SIDT1: variants seen among roughly 807,000 people sequenced by gnomAD.
The protein encoded by SIDT1 is SID1 transmembrane family, member 1.
A neutral mutation model predicts 107.5 loss-of-function variants in SIDT1; 101 were observed. That is an observed-to-expected ratio of 0.94 (90% CI 0.80 to 1.11). The LOEUF (loss-of-function observed/expected upper bound fraction) is 1.11, where lower values mean the gene tolerates loss of function less well. Ranked by LOEUF, SIDT1 falls within the 50% of genes least tolerant of loss-of-function variation. SIDT1 has a pLI of 0.00. For synonymous variants in SIDT1, 395 were observed against 398.2 expected (o/e 0.99, Z 0.10); for missense variants, 1,076 against 1,058.2 (o/e 1.02, Z -0.23).
Position 113,532,680 on chromosome 3 carries a change from A to C in SIDT1, c.-342A>C. The C allele has an allele frequency of 1.5e-5, 4 of 267,744 alleles. No individual in the cohort carries two copies. The highest frequency in any genetic ancestry group is 2.2e-5 in the African/African-American group (1 of 45,246). The allele number at this position is 267,744 out of a possible 1,614,324, so 16.6% of individuals were successfully genotyped here. A position where few individuals can be genotyped will look rare whatever the true frequency, so the allele number is the denominator to read the frequency against. ...TTGCTGTTATTGAGGTTGAGGGAGA[A>C]GAGATCGGTCTAAATTCTGGCTGGG... On this transcript the variant is annotated 5_prime_UTR_variant, in exon 1 of 25. Transcript: ENST00000264852.
At chr3:113,636,477 G>T in the SIDT1 span, among the ~76,000 whole-genome samples, 1 of 152,112 alleles carries the variant, frequency 6.6e-6, no homozygotes, top group Admixed American at 6.6e-5. Context: ...AAAAGGTGGG[G>T]GGGATATAAC....
chr3:113,566,176 G>A (rs1178903674), intron 1 of SIDT1, among the ~76,000 whole-genome samples: 3 of 152,088 alleles, frequency 2.0e-5, no homozygotes, highest in African/African-American at 4.8e-5. Context: ...TTCTCCCCAC[G>A]CAATTTCAAT....
chr3:113,623,347 C>G, intron 21 of SIDT1, 80 bp from the exon 22 acceptor site: 1 of 848,086 alleles, frequency 1.2e-6, no homozygotes, highest in Non-Finnish European at 2.0e-6. Flanking sequence ...CCTTCCCCCT[C>G]AAGGGACTGG....
intron 1 of SIDT1, 75 bp downstream of exon 1, chr3:113,533,318 C>A: frequency 8.4e-7 from 1 of 1,192,178 alleles, no homozygotes; most frequent in Non-Finnish European, 1.1e-6. Context: ...TTTGGAGTCC[C>A]CTGGGAATTG....
intron 21 of SIDT1, among the ~76,000 whole-genome samples, chr3:113,622,140 A>T (rs543359888): frequency 7.9e-5 from 12 of 152,256 alleles, no homozygotes; most frequent in African/African-American, 2.9e-4. Flanking sequence ...TTGAGATTTT[A>T]AAAAATATAT....
At chr3:113,571,742 T>C (rs1461143059) in intron 3 of SIDT1, among the ~76,000 whole-genome samples, 1 of 152,190 alleles carries the variant, frequency 6.6e-6, no homozygotes, top group Non-Finnish European at 1.5e-5. Context: ...AAGACAAACC[T>C]GGCCAATATG....
Position 113,626,170 on chromosome 3 carries a change from C to A in SIDT1, c.2376C>A (p.Asp792Glu). ...CILLDFFDDH[D>E]IWHFLSATAL... is the part of the protein sequence containing the mutation. ...TGCTGGATTTCTTCGATGACCATGA[C>A]ATCTGGCACTTCCTCTCTGCTACTG... The change falls in exon 24 of 25, where the codon GAC (aspartate) becomes GAA (glutamate). Residue 792 changes from aspartate to glutamate, a missense_variant. Coordinates refer to ENST00000264852, the MANE Select transcript of SIDT1 (RefSeq NM_017699.3). 1.2e-6 allele frequency: 2 copies of A among 1,614,146 alleles called. No homozygotes were observed.
At chr3:113,633,765 G>A (rs1396460606), downstream of SIDT1, among the ~76,000 whole-genome samples, 3 of 152,222 alleles carry the variant, frequency 2.0e-5, no homozygotes, top group Non-Finnish European at 4.4e-5. Context: ...CTATAAAATG[G>A]ATTGGGGACG....
intron 1 of SIDT1, among the ~76,000 whole-genome samples, chr3:113,558,858 G>GTA (rs1941153373): frequency 1.3e-5 from 2 of 152,268 alleles, no homozygotes; most frequent in South Asian, 2.1e-4. Context: ...TCATTTCTGA[G>GTA]TATATATATT....
intron 1 of SIDT1, among the ~76,000 whole-genome samples, chr3:113,537,809 G>A (rs2107571460): frequency 6.6e-6 from 1 of 152,296 alleles, no homozygotes; most frequent in Middle Eastern, 3.4e-3. Context: ...TCGAGACATA[G>A]TCTCGCTGTG....
intron 1 of SIDT1, among the ~76,000 whole-genome samples, chr3:113,541,262 C>T (rs565726114): frequency 7.9e-5 from 12 of 152,180 alleles, no homozygotes; most frequent in Admixed American, 2.0e-4. Context: ...CTCTGCCTCC[C>T]GGGTTCAAGA....
At chr3:113,577,046 G>A (rs79832118) in intron 4 of SIDT1, 79 bp downstream of exon 4, 20 of 1,363,278 alleles carry the variant, frequency 1.5e-5, no homozygotes, top group Non-Finnish European at 2.0e-5. Flanking sequence ...ATGTTACCCT[G>A]GTAGAGTTAG....
At chr3:113,541,410 T>C (rs1938847269) in intron 1 of SIDT1, among the ~76,000 whole-genome samples, 1 of 152,184 alleles carries the variant, frequency 6.6e-6, no homozygotes, top group African/African-American at 2.4e-5. Context: ...GCACAAGTGA[T>C]CCGCCCACCT....
intron 13 of SIDT1, among the ~76,000 whole-genome samples, chr3:113,604,523 C>T (rs1005061715): frequency 5.3e-5 from 8 of 152,162 alleles, no homozygotes; most frequent in African/African-American, 1.9e-4. Context: ...GAAGCAGGTA[C>T]TACTTACACT....
At chr3:113,574,966 G>A (rs1283414888) in intron 3 of SIDT1, among the ~76,000 whole-genome samples, 2 of 152,118 alleles carry the variant, frequency 1.3e-5, no homozygotes, top group African/African-American at 4.8e-5. Context: ...CATGTGGAAG[G>A]AAGCAGAATA....
chr3:113,616,712 C>T (rs573844069), intron 20 of SIDT1, among the ~76,000 whole-genome samples: 69 of 144,236 alleles, frequency 4.8e-4, no homozygotes, highest in Non-Finnish European at 8.5e-4. Context: ...TTTTTTGAGA[C>T]GGAGTTTTGC....
intron 19 of SIDT1, chr3:113,615,023 C>G: frequency 6.5e-7 from 1 of 1,533,860 alleles, no homozygotes; most frequent in Non-Finnish European, 8.7e-7. Context: ...ACACGTCTCT[C>G]TTTTTTTTCT....
At chr3:113,558,437 A>C (rs966616792) in intron 1 of SIDT1, among the ~76,000 whole-genome samples, 3 of 152,192 alleles carry the variant, frequency 2.0e-5, no homozygotes, top group Admixed American at 2.0e-4. Flanking sequence ...ATTTCTGCAC[A>C]TCTTACAGGA....
At chr3:113,581,256 C>T (rs767102064) in intron 5 of SIDT1, 105 bp from the exon 6 acceptor site, 30 of 907,082 alleles carry the variant, frequency 3.3e-5, no homozygotes, top group South Asian at 2.1e-4. Context: ...ATAAGGATCC[C>T]CTGCTCTGTG....
Sources: allele counts gnomAD v4.1 joint callset (sites outside exome capture counted in the v4.1 genomes callset), GRCh38; gene constraint gnomAD v4.1.1; transcripts MANE v1.5; gene names NCBI Gene and HGNC (gene_info 2026-07-23, HGNC 2026-07-21).